The following MARCHF10 variants were observed in gnomAD, a reference collection of about 807,000 sequenced individuals.
MARCHF10 encodes probable E3 ubiquitin-protein ligase MARCHF10.
A neutral mutation model predicts 76.2 loss-of-function variants in MARCHF10; 64 were observed. The ratio of observed to expected loss-of-function variants is 0.84; its 90% confidence interval spans 0.69 to 1.03. The LOEUF is 1.03. Among genes scored for constraint, MARCHF10 ranks in the 50% least tolerant of loss-of-function variants. The pLI is 0.00. For synonymous variants in MARCHF10, 340 were observed against 357.5 expected (o/e 0.95, Z 0.55); for missense variants, 875 against 958.0 (o/e 0.91, Z 1.14).
At chr17:62,798,546 C>A (rs929149858) in intron 2 of MARCHF10, among the ~76,000 whole-genome samples, 1 of 151,764 alleles carries the variant, frequency 6.6e-6, no homozygotes, top group Non-Finnish European at 1.5e-5. Context: ...TGGGAAGGAG[C>A]CCGGTGAATT....
chr17:62,746,173 CTACT>C (rs2091695458), intron 4 of MARCHF10, among the ~76,000 whole-genome samples: 1 of 152,190 alleles, frequency 6.6e-6, no homozygotes, highest in Admixed American at 6.5e-5. Context: ...ATGACTAGGT[CTACT>C]TACTTCTGAC....
At chr17:62,787,112 G>A (rs1482445294) in intron 3 of MARCHF10, among the ~76,000 whole-genome samples, 1 of 152,124 alleles carries the variant, frequency 6.6e-6, no homozygotes, top group Non-Finnish European at 1.5e-5. Context: ...TAGACTAACA[G>A]GAAAAGATCC....
intron 2 of MARCHF10, among the ~76,000 whole-genome samples, chr17:62,789,150 AG>A (rs2092800388): frequency 6.6e-6 from 1 of 151,404 alleles, no homozygotes; most frequent in Non-Finnish European, 1.5e-5. Context: ...AAACATACTG[AG>A]AGGCATTTTG....
chr17:62,772,864 G>A (rs78216325), intron 3 of MARCHF10, among the ~76,000 whole-genome samples: 466 of 152,262 alleles, frequency 3.1e-3, no homozygotes, highest in African/African-American at 0.011. Flanking sequence ...ATTGGTTGCA[G>A]ATGTCTCAAA....
At position 62,714,249 on chromosome 17, in the gene MARCHF10, C is replaced by T. The variant is rs146157939; in HGVS notation, c.2215-2905G>A. On this transcript the variant is annotated intron_variant, in intron 8 of 10. Coordinates refer to ENST00000311269, the MANE Select transcript of MARCHF10 (RefSeq NM_152598.4). ...CCTGGAGTGCATCTTACCTGGAAAG[C>T]GCTGCCGGCTAAGGTGGGCAGTGCA... 7.1e-5 allele frequency: 20 copies of T among 281,586 alleles called. No homozygotes were observed. In the East Asian group the frequency reaches 2.1e-3, roughly 30 times the overall value. The allele number at this position is 281,586 out of a possible 1,614,324, so 17.4% of individuals were successfully genotyped here. A position where few individuals can be genotyped will look rare whatever the true frequency, so the allele number is the denominator to read the frequency against.
chr17:62,742,200 T>A (rs1397880149), intron 5 of MARCHF10, among the ~76,000 whole-genome samples: 2 of 151,366 alleles, frequency 1.3e-5, no homozygotes, highest in Non-Finnish European at 2.9e-5. Context: ...TTGTATTTTC[T>A]GTAGAGACAG....
intron 5 of MARCHF10, among the ~76,000 whole-genome samples, chr17:62,740,032 A>C (rs2091448036): frequency 6.7e-6 from 1 of 150,164 alleles, no homozygotes; most frequent in Non-Finnish European, 1.5e-5. Flanking sequence ...TTAAAAATTC[A>C]ATCAGAGCTT....
rs142606224 is a variant in MARCHF10 at position 62,753,325 on chromosome 17, T to C, written c.382+6510A>G. ...TTTCATCATGTTGACCAGGCTGGTCTTGAACTCCTGACCTCAAGTGATCCA... is the reference window on the plus strand; with the variant it reads ...TTTCATCATGTTGACCAGGCTGGTCCTGAACTCCTGACCTCAAGTGATCCA... On this transcript the variant is annotated intron_variant, in intron 4 of 10. Transcript: ENST00000311269. Among the ~76,000 whole-genome samples the C allele has an allele frequency of 1.1e-3, 168 of 152,330 alleles. 1 individual carries two copies. Among genetic ancestry groups the C allele is most frequent in the Non-Finnish European group, 2.0e-3 (133 of 68,020 alleles).
intron 2 of MARCHF10, among the ~76,000 whole-genome samples, chr17:62,791,431 T>C (rs992395662): frequency 2.6e-5 from 4 of 152,202 alleles, no homozygotes; most frequent in African/African-American, 9.7e-5. Flanking sequence ...ACAGAATTCT[T>C]GTGGGCTGAG....
At chr17:62,718,856 T>TC (rs2090348213) in intron 8 of MARCHF10, among the ~76,000 whole-genome samples, 2 of 152,170 alleles carry the variant, frequency 1.3e-5, no homozygotes, top group Admixed American at 6.6e-5. Flanking sequence ...TCCCTTCTCT[T>TC]CCTCTCTTCT....
chr17:62,779,237 T>G (rs576952045), intron 3 of MARCHF10, among the ~76,000 whole-genome samples: 3 of 152,204 alleles, frequency 2.0e-5, no homozygotes, highest in South Asian at 4.1e-4. Flanking sequence ...AACCAGCGTG[T>G]GCATGCGCGA....
intron 6 of MARCHF10, among the ~76,000 whole-genome samples, chr17:62,732,439 T>C (rs778981472): frequency 2.0e-5 from 3 of 152,210 alleles, no homozygotes; most frequent in East Asian, 1.9e-4. Flanking sequence ...TGTTGAGGCA[T>C]GTTCCAAAGG....
chr17:62,755,297 C>T (rs1242126238), intron 4 of MARCHF10, among the ~76,000 whole-genome samples: 4 of 151,340 alleles, frequency 2.6e-5, no homozygotes, highest in Non-Finnish European at 4.4e-5. Flanking sequence ...GCTTGCTTCC[C>T]ACATGTCTGG....
At chr17:62,783,069 G>A (rs1460930054) in intron 3 of MARCHF10, among the ~76,000 whole-genome samples, 1 of 152,030 alleles carries the variant, frequency 6.6e-6, no homozygotes, top group African/African-American at 2.4e-5. Flanking sequence ...ACACTTGGGA[G>A]ATCATTATCT....
At chr17:62,737,359 GT>G (rs2091319122) in intron 5 of MARCHF10, 27 bp from the exon 6 acceptor site, 1 of 1,590,826 alleles carries the variant, frequency 6.3e-7, no homozygotes, top group Non-Finnish European at 8.5e-7. Flanking sequence ...CACATTTATC[GT>G]TCCAGTAAAA....
chr17:62,754,458 C>T (rs897540719), intron 4 of MARCHF10, among the ~76,000 whole-genome samples: 2 of 152,160 alleles, frequency 1.3e-5, no homozygotes, highest in South Asian at 2.1e-4. Flanking sequence ...GAGTAGTTGG[C>T]GGTGTTGGGA....
At position 62,801,695 on chromosome 17, in the gene MARCHF10, T is replaced by G. The variant is rs1159668706; in HGVS notation, c.41A>C (p.Asp14Ala). ...CTGCATGTCCCGCAGATACTGAACA[T>G]CGCTGAAGAACTTCTGCCTGTCCCT... Reference protein sequence around the residue: ...DARDRQKFFSDVQYLRDMQHK... With the variant: ...DARDRQKFFSAVQYLRDMQHK... The change falls in exon 2 of 11, where the codon GAT becomes GCT. Residue 14 changes from aspartate to alanine, a missense_variant. Asp to Ala is a moderately radical substitution (Grantham distance 126, BLOSUM62 -2). Coordinates refer to ENST00000311269, the MANE Select transcript of MARCHF10 (RefSeq NM_152598.4). 1 of 1,614,062 alleles carries G rather than the reference T, an allele frequency of 6.2e-7. No individual in the cohort carries two copies. The highest frequency in any genetic ancestry group is 2.2e-5 in the East Asian group (1 of 44,898).
intron 2 of MARCHF10, among the ~76,000 whole-genome samples, chr17:62,799,945 A>C (rs2093045327): frequency 6.6e-6 from 1 of 152,110 alleles, no homozygotes; most frequent in Non-Finnish European, 1.5e-5. Flanking sequence ...GATCTTTCCC[A>C]TAATTCACCT....
chr17:62,729,046 C>T (rs989984821), intron 6 of MARCHF10, among the ~76,000 whole-genome samples: 1 of 152,092 alleles, frequency 6.6e-6, no homozygotes, highest in Non-Finnish European at 1.5e-5. Context: ...TCAAAGTGAT[C>T]CTCCTGCCTC....
Sources: gnomAD v4.1 joint callset for allele counts (sites outside exome capture counted in the v4.1 genomes callset) on GRCh38, gnomAD v4.1.1 for gene constraint, MANE v1.5 for transcripts, NCBI Gene and HGNC (gene_info 2026-07-23, HGNC 2026-07-21) for gene names.